The following FBN1 variants were observed in gnomAD, a reference collection of about 807,000 sequenced individuals.
The protein encoded by FBN1 is fibrillin 1, also known as fibrillin-1.
In FBN1, 29 loss-of-function variants were observed where a neutral mutation model predicts 365.1. The observed-to-expected ratio is 0.08, with a 90% CI of 0.06 to 0.11. The LOEUF (loss-of-function observed/expected upper bound fraction) is 0.11. Among genes scored for constraint, FBN1 ranks in the 10% least tolerant of loss-of-function variants. The probability of loss-of-function intolerance (pLI) is 1.00; values close to 1 mark genes in which losing one functional copy is unlikely to be tolerated. For synonymous variants in FBN1, 1,210 were observed against 1,270.5 expected, an observed-to-expected ratio of 0.95 and a Z score of 1.01; for missense variants, 2,476 against 3,703.2, an observed-to-expected ratio of 0.67 and a Z score of 8.60.
At chr15:48,561,705 T>C (rs966127687) in intron 6 of FBN1, among the ~76,000 whole-genome samples, 1 of 152,210 alleles carries the variant, frequency 6.6e-6, no homozygotes, top group African/African-American at 2.4e-5. Flanking sequence ...TCTCAGACTA[T>C]GGAAAAAGTA....
At chr15:48,509,969 T>G in intron 14 of FBN1, 75 bp downstream of exon 14, 1 of 1,453,812 alleles carries the variant, frequency 6.9e-7, no homozygotes, top group Non-Finnish European at 9.7e-7. Flanking sequence ...TCACTCATTA[T>G]TTGGTCTTGT....
chr15:48,565,102 A>G (rs1248010491), intron 6 of FBN1, among the ~76,000 whole-genome samples: 1 of 152,184 alleles, frequency 6.6e-6, no homozygotes, highest in Non-Finnish European at 1.5e-5. Flanking sequence ...CCCACCCACC[A>G]TACCTTGGTC....
At chr15:48,609,364 G>T (rs2044640188) in intron 4 of FBN1, among the ~76,000 whole-genome samples, 1 of 152,238 alleles carries the variant, frequency 6.6e-6, no homozygotes, top group Non-Finnish European at 1.5e-5. Context: ...GGCTGTTACT[G>T]TGTGGGCTCC....
chr15:48,411,180 T>A lies in FBN1; in HGVS notation c.8426A>T (p.Lys2809Met). 1 of 1,614,164 alleles carries A rather than the reference T, an allele frequency of 6.2e-7. No individual in the cohort carries two copies. The part of the protein sequence containing the change: ...NEDGFFKINQ[K>M]EGISYLHFTK... ...GAAGTGGAGGTAGCTGATCCCTTCC[T>A]TTTGGTTGATTTTAAAGAAGCCATC... The change falls in exon 66 of 66, where the codon AAG becomes ATG. Residue 2809 changes from lysine (K) to methionine (M), a missense_variant. Coordinates refer to ENST00000316623, the MANE Select transcript of FBN1 (RefSeq NM_000138.5).
At chr15:48,556,766 T>A (rs1210924341) in intron 6 of FBN1, among the ~76,000 whole-genome samples, 2 of 152,128 alleles carry the variant, frequency 1.3e-5, no homozygotes, top group East Asian at 3.9e-4. Flanking sequence ...TAAGCCTCAA[T>A]CCCCTCACGT....
chr15:48,541,569 C>T (rs1461783617), intron 6 of FBN1, among the ~76,000 whole-genome samples: 2 of 152,130 alleles, frequency 1.3e-5, no homozygotes, highest in African/African-American at 4.8e-5. Flanking sequence ...TGCTTTTCGT[C>T]CTGTACTTCA....
At chr15:48,497,514 T>C (rs1277033266) in intron 18 of FBN1, 123 bp from the exon 19 acceptor site, 2 of 884,330 alleles carry the variant, frequency 2.3e-6, no homozygotes, top group Non-Finnish European at 3.6e-6. Context: ...AAAAATCGAT[T>C]TCACTGGAAA....
At chr15:48,617,850 C>G (rs1280730212) in intron 2 of FBN1, among the ~76,000 whole-genome samples, 1 of 152,222 alleles carries the variant, frequency 6.6e-6, no homozygotes, top group Non-Finnish European at 1.5e-5. Context: ...AAGCCCACTT[C>G]TGCAATTTGG....
intron 2 of FBN1, chr15:48,640,843 A>AATT (rs1890185022): frequency 1.3e-5 from 2 of 152,192 alleles, no homozygotes. Flanking sequence ...CTAAAGCAAT[A>AATT]AGGCAATCAT....
intron 64 of FBN1, among the ~76,000 whole-genome samples, chr15:48,413,885 C>T (rs1473231406): frequency 6.6e-6 from 1 of 152,208 alleles, no homozygotes; most frequent in Non-Finnish European, 1.5e-5. Flanking sequence ...CTGTTTCCCC[C>T]AATCTTGCCA....
At chr15:48,468,603 C>T in intron 36 of FBN1, 69 bp from the exon 37 acceptor site, 1 of 1,559,334 alleles carries the variant, frequency 6.4e-7, no homozygotes, top group South Asian at 1.1e-5. Context: ...CATAAAAGAA[C>T]AGGGCCCAAT....
At chr15:48,482,686 G>A (rs1038490866) in intron 31 of FBN1, among the ~76,000 whole-genome samples, 4 of 152,206 alleles carry the variant, frequency 2.6e-5, no homozygotes, top group African/African-American at 9.6e-5. Context: ...AGCAATGCCA[G>A]AGATTTGCTA....
At chr15:48,424,979 T>C (rs947406129) in intron 60 of FBN1, among the ~76,000 whole-genome samples, 1 of 152,230 alleles carries the variant, frequency 6.6e-6, no homozygotes, top group Admixed American at 6.5e-5. Context: ...TGGCACTGAT[T>C]ATTCCGAGGC....
At chr15:48,477,339 T>C (rs900843826) in intron 32 of FBN1, among the ~76,000 whole-genome samples, 2 of 152,222 alleles carry the variant, frequency 1.3e-5, no homozygotes, top group Non-Finnish European at 2.9e-5. Flanking sequence ...ACAGGCTGTG[T>C]ATCATGGGCT....
chr15:48,576,170 A>G (rs563459565), intron 6 of FBN1, among the ~76,000 whole-genome samples: 1 of 152,140 alleles, frequency 6.6e-6, no homozygotes, highest in Non-Finnish European at 1.5e-5. Flanking sequence ...TCCAAACTCC[A>G]TCTGCTCCCA....
chr15:48,628,737 T>C (rs1333456063), intron 2 of FBN1, among the ~76,000 whole-genome samples: 1 of 152,148 alleles, frequency 6.6e-6, no homozygotes, highest in East Asian at 1.9e-4. Flanking sequence ...GAGTAAAACT[T>C]TACAGCATTA....
At chr15:48,517,049 T>G (rs756428369) in intron 10 of FBN1, among the ~76,000 whole-genome samples, 2 of 152,218 alleles carry the variant, frequency 1.3e-5, no homozygotes, top group African/African-American at 4.8e-5. Context: ...GAATGACTCC[T>G]AGTTTTCTGG....
At chr15:48,609,912 C>T (rs2044643869) in intron 4 of FBN1, among the ~76,000 whole-genome samples, 1 of 152,184 alleles carries the variant, frequency 6.6e-6, no homozygotes, top group African/African-American at 2.4e-5. Context: ...TCTCTACTTG[C>T]AGTAAACAAA....
At position 48,644,816 on chromosome 15, in the gene FBN1, G is replaced by C. The variant is rs749828806; in HGVS notation, c.-47C>G. 1 of 1,575,864 alleles carries C rather than the reference G, an allele frequency of 6.3e-7. No individual in the cohort carries two copies. The highest frequency in any genetic ancestry group is 1.3e-5 in the African/African-American group (1 of 74,128). ...CCCGCCGCCTCTTGCCGCGCCCGGGGCTCGGTCTGCGGCCGCCGCTGCGCC... is the reference window on the plus strand; with the variant it reads ...CCCGCCGCCTCTTGCCGCGCCCGGGCCTCGGTCTGCGGCCGCCGCTGCGCC... On this transcript the variant is annotated 5_prime_UTR_variant, in exon 2 of 66. Transcript: ENST00000316623.
Sources: allele counts gnomAD v4.1 joint callset (sites outside exome capture counted in the v4.1 genomes callset), GRCh38; gene constraint gnomAD v4.1.1; transcripts MANE v1.5; gene names NCBI Gene and HGNC (gene_info 2026-07-23, HGNC 2026-07-21).